The following AFAP1 variants were observed in gnomAD, a reference collection of about 807,000 sequenced individuals.
The protein encoded by AFAP1 is actin filament associated protein 1.
AFAP1 carries 75 observed loss-of-function variants against 93.9 expected under a neutral mutation model. The observed-to-expected ratio is 0.80, with a 90% CI of 0.66 to 0.97. The LOEUF is 0.97. Among genes scored for constraint, AFAP1 ranks in the 50% least tolerant of loss-of-function variants. The pLI, the probability that AFAP1 is intolerant of heterozygous loss-of-function variation, is 0.00. For missense variants in AFAP1, 1,201 were observed against 1,050.8 expected (o/e 1.14, Z -1.98); for synonymous variants, 517 against 430.7 (o/e 1.20, Z -2.48).
rs1339351017 is a variant in AFAP1, at chr4:7,781,628, C to G, written c.1531-1G>C. On this transcript the variant is annotated splice_acceptor_variant, in intron 12 of 17. Transcript: ENST00000420658. LOFTEE classifies it high-confidence loss of function. ...CAGGAAAGCCGTCTTCCGGTTCCCACTGCAACACACATAGCTTTGTGGTTA... is the reference window on the plus strand; with the variant it reads ...CAGGAAAGCCGTCTTCCGGTTCCCAGTGCAACACACATAGCTTTGTGGTTA... 1.1e-5 allele frequency: 17 copies of G among 1,551,706 alleles called. No individual in the cohort carries two copies. The highest frequency in any genetic ancestry group is 1.5e-5 in the Non-Finnish European group (17 of 1,146,970).
chr4:7,864,508 C>T (rs1716191873), intron 3 of AFAP1, among the ~76,000 whole-genome samples: 1 of 152,194 alleles, frequency 6.6e-6, no homozygotes, highest in East Asian at 1.9e-4. Flanking sequence ...CAGAAAACTA[C>T]AGTCCAGCTA....
intron 7 of AFAP1, among the ~76,000 whole-genome samples, chr4:7,818,323 T>A (rs751691861): frequency 6.6e-6 from 1 of 152,168 alleles, no homozygotes; most frequent in Non-Finnish European, 1.5e-5. Context: ...CAATGCCTTC[T>A]AAGAAATCTG....
chr4:7,904,003 T>C (rs1719261456), intron 1 of AFAP1, among the ~76,000 whole-genome samples: 1 of 152,156 alleles, frequency 6.6e-6, no homozygotes, highest in Admixed American at 6.5e-5. Flanking sequence ...GTGTGTTTAT[T>C]TGGCTGTTCT....
At chr4:7,843,501 C>CAAAAAT (rs1713308802) in intron 4 of AFAP1, 151 bp from the exon 5 acceptor site, 3 of 746,634 alleles carry the variant, frequency 4.0e-6, no homozygotes, top group Non-Finnish European at 6.3e-6. Flanking sequence ...AAAACAAAAA[C>CAAAAAT]AAAAATAAAA....
At chr4:7,872,457 T>C (rs1253060905) in intron 1 of AFAP1, 3 of 177,708 alleles carry the variant, frequency 1.7e-5, no homozygotes, top group Admixed American at 5.8e-5. Context: ...TAATAACCAG[T>C]AGGGCATGGT....
At chr4:7,869,266 A>G (rs558238315) in intron 2 of AFAP1, among the ~76,000 whole-genome samples, 2 of 152,122 alleles carry the variant, frequency 1.3e-5, no homozygotes, top group African/African-American at 4.8e-5. Context: ...GTAAGAAATG[A>G]ATGAAAGCAC....
At chr4:7,798,809 C>T (rs1248639393) in intron 10 of AFAP1, 2 of 886,174 alleles carry the variant, frequency 2.3e-6, no homozygotes, top group East Asian at 2.4e-4. Flanking sequence ...CTTCACCAAA[C>T]AGCTCCTGAC....
intron 1 of AFAP1, among the ~76,000 whole-genome samples, chr4:7,872,638 G>A (rs1717145351): frequency 6.6e-6 from 1 of 152,160 alleles, no homozygotes; most frequent in African/African-American, 2.4e-5. Flanking sequence ...AATGATGGTA[G>A]ACTTGACTTT....
At chr4:7,814,154 A>G (rs182129196) in intron 8 of AFAP1, among the ~76,000 whole-genome samples, 2 of 152,266 alleles carry the variant, frequency 1.3e-5, no homozygotes, top group Non-Finnish European at 2.9e-5. Flanking sequence ...AGAAAAGACA[A>G]AGAACTCTCA....
chr4:7,876,244 G>C (rs1717497487), intron 1 of AFAP1, among the ~76,000 whole-genome samples: 1 of 152,216 alleles, frequency 6.6e-6, no homozygotes, highest in Non-Finnish European at 1.5e-5. Context: ...CTGGGAGTTT[G>C]TCGTGGCCCT....
At chr4:7,827,569 C>CAAAAAAAAA (rs58075483) in intron 6 of AFAP1, among the ~76,000 whole-genome samples, 1,856 of 52,090 alleles carry the variant, frequency 0.036, 150 homozygotes, top group African/African-American at 0.046. Flanking sequence ...ACTCTGTCTC[C>CAAAAAAAAA]AAAAAAAAAA....
chr4:7,902,970 T>C (rs1050096318), intron 1 of AFAP1, among the ~76,000 whole-genome samples: 4 of 152,240 alleles, frequency 2.6e-5, no homozygotes, highest in African/African-American at 7.2e-5. Flanking sequence ...GAAGAGGTTA[T>C]CTTGTATCAT....
chr4:7,864,069 C>T (rs79923402), intron 3 of AFAP1, among the ~76,000 whole-genome samples: 7 of 6,862 alleles, frequency 1.0e-3, no homozygotes, highest in African/African-American at 4.9e-3. Context: ...CCATCACAAC[C>T]CATTCCCAAC....
intron 1 of AFAP1, among the ~76,000 whole-genome samples, chr4:7,933,985 G>A (rs1721243615): frequency 6.6e-6 from 1 of 152,214 alleles, no homozygotes; most frequent in African/African-American, 2.4e-5. Flanking sequence ...AGTGATTTAC[G>A]TGGAAATCCC....
intron 1 of AFAP1, among the ~76,000 whole-genome samples, chr4:7,913,212 G>A (rs913723221): frequency 5.3e-5 from 8 of 152,092 alleles, no homozygotes; most frequent in African/African-American, 1.7e-4. Flanking sequence ...AACACAGGGA[G>A]GCCCTGTCTC....
At chr4:7,785,146 C>T (rs77438608) in intron 12 of AFAP1, among the ~76,000 whole-genome samples, 2,269 of 152,230 alleles carry the variant, frequency 0.015, 59 homozygotes, top group African/African-American at 0.052. Context: ...CGCCCAGGGC[C>T]GGGCACCGTG....
intron 2 of AFAP1, 139 bp downstream of exon 2, chr4:7,871,813 C>G: frequency 8.1e-7 from 1 of 1,236,286 alleles, no homozygotes; most frequent in Non-Finnish European, 1.1e-6. Context: ...AGTGTAAACC[C>G]TCAATGAAAA....
chr4:7,869,070 A>G (rs1051504209), intron 2 of AFAP1, among the ~76,000 whole-genome samples: 2 of 151,644 alleles, frequency 1.3e-5, no homozygotes, highest in Non-Finnish European at 2.9e-5. Flanking sequence ...GGGAAAGAGA[A>G]AAGAAAAAAG....
intron 13 of AFAP1, 74 bp downstream of exon 13, chr4:7,781,302 A>T (rs1716742868): frequency 6.6e-7 from 1 of 1,506,498 alleles, no homozygotes; most frequent in Non-Finnish European, 8.9e-7. Flanking sequence ...CCCATTTACT[A>T]CAAGTTGCAA....
Sources: allele counts gnomAD v4.1 joint callset (sites outside exome capture counted in the v4.1 genomes callset), GRCh38; gene constraint gnomAD v4.1.1; transcripts MANE v1.5; gene names NCBI Gene and HGNC (gene_info 2026-07-23, HGNC 2026-07-21).